The following PRKN variants were observed in gnomAD, a reference collection of about 807,000 sequenced individuals.
PRKN encodes the protein parkin RBR E3 ubiquitin protein ligase, also known as E3 ubiquitin-protein ligase parkin.
PRKN carries 56 observed loss-of-function variants against 59.5 expected under a neutral mutation model. That is an observed-to-expected ratio of 0.94 (90% CI 0.76 to 1.18). The LOEUF (loss-of-function observed/expected upper bound fraction) is 1.18, where lower values mean the gene tolerates loss of function less well. Among genes scored for constraint, PRKN ranks in the 50% most tolerant of loss-of-function variants. The probability of loss-of-function intolerance (pLI) is 0.00; values close to 1 mark genes in which losing one functional copy is unlikely to be tolerated. For synonymous variants in PRKN, 250 were observed against 222.1 expected, an observed-to-expected ratio of 1.13 and a Z score of -1.12; for missense variants, 657 against 596.4, an observed-to-expected ratio of 1.10 and a Z score of -1.06.
chr6:162,289,748 A>G (rs1197108727), intron 2 of PRKN, among the ~76,000 whole-genome samples: 1 of 152,034 alleles, frequency 6.6e-6, no homozygotes, highest in East Asian at 1.9e-4. Flanking sequence ...TAAAAGAGGA[A>G]GGAGAGAGCA....
intron 4 of PRKN, among the ~76,000 whole-genome samples, chr6:162,097,861 A>T (rs1384255112): frequency 6.6e-6 from 1 of 152,178 alleles, no homozygotes; most frequent in Non-Finnish European, 1.5e-5. Flanking sequence ...AACCAACGAA[A>T]AGCTTCCAAT....
chr6:161,821,244 T>C (rs775416897), intron 6 of PRKN, among the ~76,000 whole-genome samples: 1 of 152,144 alleles, frequency 6.6e-6, no homozygotes. Context: ...GTCTGAAGCA[T>C]AGGATGTATT....
chr6:162,433,869 T>C (rs1218210174), intron 2 of PRKN, among the ~76,000 whole-genome samples: 1 of 152,158 alleles, frequency 6.6e-6, no homozygotes, highest in Non-Finnish European at 1.5e-5. Context: ...GAAATTGAGT[T>C]TGTGATGTAC....
At chr6:161,863,339 G>GAAA in intron 6 of PRKN, among the ~76,000 whole-genome samples, 1 of 150,844 alleles carries the variant, frequency 6.6e-6, no homozygotes, top group African/African-American at 2.4e-5. Context: ...AAAAAAAAGG[G>GAAA]AAAAAACATT....
chr6:161,803,867 C>T (rs571316666), intron 6 of PRKN, among the ~76,000 whole-genome samples: 5 of 152,270 alleles, frequency 3.3e-5, no homozygotes, highest in East Asian at 1.9e-4. Context: ...ACCTCAAGTC[C>T]GAACCCCCAC....
At chr6:161,692,703 G>C (rs1423398664) in intron 7 of PRKN, among the ~76,000 whole-genome samples, 1 of 152,302 alleles carries the variant, frequency 6.6e-6, no homozygotes, top group South Asian at 2.1e-4. Context: ...TCGAGAATTT[G>C]AGACCAGCCT....
rs76772448 is a variant in PRKN, at chr6:161,677,769, C to A, written c.871+108003G>T. Among the ~76,000 whole-genome samples, 875 of 152,326 alleles carry A rather than the reference C, an allele frequency of 5.7e-3. 7 individuals carry two copies. The highest frequency in any genetic ancestry group is 0.02 in the African/African-American group (839 of 41,568). ...AGAAAGTGAGATGTTATTACCAAAT[C>A]TCAAGCTTGACTAACATTAAGGTGC... On this transcript the variant is annotated intron_variant, in intron 7 of 11. Transcript: ENST00000366898.
intron 7 of PRKN, among the ~76,000 whole-genome samples, chr6:161,660,853 C>T (rs977543892): frequency 6.6e-6 from 1 of 152,190 alleles, no homozygotes; most frequent in African/African-American, 2.4e-5. Context: ...GATGCTGAAT[C>T]TCAAACTATT....
Position 161,451,396 on chromosome 6 carries a change from T to A in PRKN, c.1084-64519A>T, listed in dbSNP as rs1789734689. Among the ~76,000 whole-genome samples, 1 of 152,200 alleles carries A rather than the reference T, an allele frequency of 6.6e-6. No homozygotes were observed. Among genetic ancestry groups the A allele is most frequent in the Non-Finnish European group, 1.5e-5 (1 of 68,040 alleles). ...TTGAATATAAAGTTAGGATGTGGCC[T>A]GATTAGCATAGGCAGAGTACTGAGA... is the stretch of plus-strand genomic sequence containing the variant. On this transcript the variant is annotated intron_variant, in intron 9 of 11. Coordinates refer to ENST00000366898, the MANE Select transcript of PRKN (RefSeq NM_004562.3). The surrounding 1 kb of genome is among the most constrained non-coding windows in gnomAD (Gnocchi z 5.9).
At chr6:162,382,229 G>A (rs1388825607) in intron 2 of PRKN, among the ~76,000 whole-genome samples, 2 of 151,732 alleles carry the variant, frequency 1.3e-5, no homozygotes, top group East Asian at 1.9e-4. Flanking sequence ...CTTAAAACCA[G>A]GCAAATAATA....
chr6:161,593,273 G>A lies in PRKN; in HGVS notation c.872-23857C>T, dbSNP rs1275187587. 6.6e-6 allele frequency among the ~76,000 whole-genome samples: 1 copy of A among 152,138 alleles called. No individual in the cohort carries two copies. The highest frequency in any genetic ancestry group is 1.5e-5 in the Non-Finnish European group (1 of 68,016). On this transcript the variant is annotated intron_variant, in intron 7 of 11. Transcript: ENST00000366898. The surrounding 1 kb of genome is among the most constrained non-coding windows in gnomAD (Gnocchi z 4.8). Reference sequence around the variant, plus strand: ...CATGGATCACCTCCTTAGTCCTTACGGGCTGCTTTGAGTGTGAGGGCAGGG... The same window carrying A: ...CATGGATCACCTCCTTAGTCCTTACAGGCTGCTTTGAGTGTGAGGGCAGGG...
Position 161,417,440 on chromosome 6 carries a change from C to T in PRKN, c.1084-30563G>A, listed in dbSNP as rs1462284038. On this transcript the variant is annotated intron_variant, in intron 9 of 11. Coordinates refer to ENST00000366898, the MANE Select transcript of PRKN (RefSeq NM_004562.3). This position sits in a 1 kb window ranked among gnomAD's most constrained non-coding sequence, Gnocchi z 5.4. ...ACTCCAGCCTGGCAACAGAGCCAGA[C>T]GCCGTTTCAAAAAAAAAAAAAAAAA... Among the ~76,000 whole-genome samples, 1 of 132,938 alleles carries T rather than the reference C, an allele frequency of 7.5e-6. No homozygotes were observed. Among genetic ancestry groups the T allele is most frequent in the African/African-American group, 2.7e-5 (1 of 36,882 alleles). The allele number at this position is 132,938 out of a possible 152,430, so 87.2% of individuals were successfully genotyped here.
chr6:161,460,951 G>C lies in PRKN; in HGVS notation c.1084-74074C>G, dbSNP rs1790186933. On this transcript the variant is annotated intron_variant, in intron 9 of 11. Transcript: ENST00000366898. The surrounding 1 kb of genome is among the most constrained non-coding windows in gnomAD (Gnocchi z 5.0). ...CTTTTTTTTTTTTAGCAGAGACGGG[G>C]TTTCACCATGTTGGCCAGGATGGTC... 6.6e-6 allele frequency among the ~76,000 whole-genome samples: 1 copy of C among 151,442 alleles called. No homozygotes were observed. The highest frequency in any genetic ancestry group is 6.6e-5 in the Admixed American group (1 of 15,226).
At chr6:162,225,778 T>C (rs1486929029) in intron 3 of PRKN, among the ~76,000 whole-genome samples, 3 of 151,978 alleles carry the variant, frequency 2.0e-5, no homozygotes, top group East Asian at 1.9e-4. Context: ...TCAGAAAACA[T>C]ATATGGGGAA....
intron 9 of PRKN, among the ~76,000 whole-genome samples, chr6:161,404,863 G>A (rs1787192159): frequency 2.0e-5 from 3 of 152,164 alleles, no homozygotes; most frequent in East Asian, 1.9e-4. Context: ...CCTCTTTCAA[G>A]TCGGTAGCAA....
intron 5 of PRKN, among the ~76,000 whole-genome samples, chr6:161,994,644 AATC>A (rs1420042861): frequency 5.9e-5 from 9 of 152,170 alleles, no homozygotes; most frequent in Admixed American, 5.2e-4. Context: ...AACATGCAAA[AATC>A]AATAGTGTTT....
At chr6:161,464,248 A>C (rs564993017) in intron 9 of PRKN, among the ~76,000 whole-genome samples, 1 of 152,166 alleles carries the variant, frequency 6.6e-6, no homozygotes, top group African/African-American at 2.4e-5. Flanking sequence ...TCCCGACCTC[A>C]GGTAATCTGC....
At chr6:161,791,465 T>C (rs534330754) in intron 6 of PRKN, among the ~76,000 whole-genome samples, 1 of 152,358 alleles carries the variant, frequency 6.6e-6, no homozygotes, top group Admixed American at 6.5e-5. Flanking sequence ...TCCACCTTGT[T>C]TGTTCTCTCT....
intron 2 of PRKN, among the ~76,000 whole-genome samples, chr6:162,366,564 T>C (rs1785447105): frequency 6.6e-6 from 1 of 152,154 alleles, no homozygotes; most frequent in East Asian, 1.9e-4. Context: ...AAAGGTGTGT[T>C]AATAGAAATG....
Sources: allele counts gnomAD v4.1 joint callset (sites outside exome capture counted in the v4.1 genomes callset), GRCh38; gene constraint gnomAD v4.1.1; non-coding constraint Gnocchi (gnomAD v3.1); transcripts MANE v1.5; gene names NCBI Gene and HGNC (gene_info 2026-07-23, HGNC 2026-07-21).